Variants in HS6ST3 observed in about 807,000 individuals in gnomAD.
HS6ST3 encodes heparan sulfate 6-O-sulfotransferase 3, also known as heparan-sulfate 6-O-sulfotransferase 3.
A neutral mutation model predicts 36.7 loss-of-function variants in HS6ST3; 12 were observed. That is an observed-to-expected ratio of 0.33 (90% confidence interval 0.21 to 0.53). The LOEUF (loss-of-function observed/expected upper bound fraction) is 0.53. Among genes scored for constraint, HS6ST3 ranks in the 20% least tolerant of loss-of-function variants. HS6ST3 has a pLI of 0.95. For synonymous variants in HS6ST3, 240 were observed against 257.5 expected, an observed-to-expected ratio of 0.93 and a Z score of 0.65; for missense variants, 584 against 640.9, an observed-to-expected ratio of 0.91 and a Z score of 0.96.
chr13:96,193,565 G>C (rs1342139015), intron 1 of HS6ST3, among the ~76,000 whole-genome samples: 1 of 152,156 alleles, frequency 6.6e-6, no homozygotes, highest in East Asian at 1.9e-4. Context: ...CAGAGACTGT[G>C]TTGTGGATAT....
At chr13:96,193,986 A>G (rs1011794252) in intron 1 of HS6ST3, among the ~76,000 whole-genome samples, 17 of 152,142 alleles carry the variant, frequency 1.1e-4, no homozygotes, top group African/African-American at 4.1e-4. Flanking sequence ...CTTTTCAGTA[A>G]TAATAACAAC....
chr13:96,256,801 CT>C (rs1427522801), intron 1 of HS6ST3, among the ~76,000 whole-genome samples: 2 of 152,246 alleles, frequency 1.3e-5, no homozygotes, highest in Admixed American at 1.3e-4. Flanking sequence ...ACAACCAACC[CT>C]TGGTTGTCCA....
Position 96,757,065 on chromosome 13 carries a change from C to G in HS6ST3, c.708-75425C>G, listed in dbSNP as rs565703495. On this transcript the variant is annotated intron_variant, in intron 1 of 1. Transcript: ENST00000376705. The stretch of plus-strand genomic sequence containing the variant: ...CATACCTAGGGAAGGATCTGCTCCT[C>G]TGTTTTCAGGGTTGATGGTGGCATT... Among the ~76,000 whole-genome samples, 10 of 152,324 alleles carry G rather than the reference C, an allele frequency of 6.6e-5. No individual in the cohort carries two copies. The South Asian group carries it at 2.1e-3, about 32-fold the overall frequency.
intron 1 of HS6ST3, among the ~76,000 whole-genome samples, chr13:96,769,034 C>T (rs1405831735): frequency 2.6e-5 from 4 of 152,088 alleles, no homozygotes; most frequent in Non-Finnish European, 5.9e-5. Flanking sequence ...TTGGGGGACA[C>T]TGCCCCTTGC....
chr13:96,499,217 G>T (rs913864487), intron 1 of HS6ST3, among the ~76,000 whole-genome samples: 1 of 151,920 alleles, frequency 6.6e-6, no homozygotes, highest in African/African-American at 2.4e-5. Context: ...GCAGAGACAG[G>T]GTTTCACCAT....
chr13:96,423,873 C>T (rs1377369091), intron 1 of HS6ST3, among the ~76,000 whole-genome samples: 1 of 152,204 alleles, frequency 6.6e-6, no homozygotes, highest in African/African-American at 2.4e-5. Flanking sequence ...TTCTAGGTGA[C>T]TGCATAGCAC....
chr13:96,509,339 AG>A (rs2138918626), intron 1 of HS6ST3, among the ~76,000 whole-genome samples: 1 of 152,042 alleles, frequency 6.6e-6, no homozygotes, highest in South Asian at 2.1e-4. Context: ...GCTCTATGGA[AG>A]TTTCTTAGTT....
intron 1 of HS6ST3, among the ~76,000 whole-genome samples, chr13:96,143,626 A>G (rs2054042622): frequency 6.6e-6 from 1 of 151,980 alleles, no homozygotes; most frequent in Admixed American, 6.6e-5. Flanking sequence ...TAAAATGATT[A>G]CCATTTACCA....
intron 1 of HS6ST3, among the ~76,000 whole-genome samples, chr13:96,127,925 C>T (rs977470382): frequency 1.3e-5 from 2 of 152,078 alleles, no homozygotes; most frequent in Non-Finnish European, 2.9e-5. Context: ...AGCATATTCC[C>T]AAAGGTTTTG....
intron 1 of HS6ST3, among the ~76,000 whole-genome samples, chr13:96,668,452 T>G (rs2056671429): frequency 1.3e-5 from 2 of 152,278 alleles, no homozygotes; most frequent in South Asian, 4.2e-4. Context: ...AAATGCTTCC[T>G]GACATAATAA....
intron 1 of HS6ST3, among the ~76,000 whole-genome samples, chr13:96,371,453 G>A (rs1018547145): frequency 3.3e-5 from 5 of 152,212 alleles, no homozygotes; most frequent in Non-Finnish European, 5.9e-5. Context: ...ACATAGTTAC[G>A]TGTATGTGTG....
intron 1 of HS6ST3, among the ~76,000 whole-genome samples, chr13:96,334,300 A>C (rs2055088326): frequency 6.6e-6 from 1 of 152,108 alleles, no homozygotes; most frequent in Non-Finnish European, 1.5e-5. Flanking sequence ...GTTCTTACAC[A>C]ATGTGGTGTG....
At chr13:96,325,675 G>T (rs1279484409) in intron 1 of HS6ST3, among the ~76,000 whole-genome samples, 1 of 152,090 alleles carries the variant, frequency 6.6e-6, no homozygotes, top group African/African-American at 2.4e-5. Flanking sequence ...ATCCCTCATG[G>T]GTACTGAAGG....
chr13:96,719,936 A>G (rs993332266), intron 1 of HS6ST3, among the ~76,000 whole-genome samples: 2 of 152,124 alleles, frequency 1.3e-5, no homozygotes, highest in Non-Finnish European at 2.9e-5. Context: ...CCTTCACAGG[A>G]AGCTGCATTT....
intron 1 of HS6ST3, among the ~76,000 whole-genome samples, chr13:96,589,749 A>G (rs1006959139): frequency 6.6e-6 from 1 of 152,050 alleles, no homozygotes; most frequent in African/African-American, 2.4e-5. Context: ...GACTATAGTC[A>G]CCCTGTTGTG....
At chr13:96,310,983 A>G (rs1025639378) in intron 1 of HS6ST3, among the ~76,000 whole-genome samples, 1 of 152,212 alleles carries the variant, frequency 6.6e-6, no homozygotes, top group Non-Finnish European at 1.5e-5. Flanking sequence ...CTTGAAAATC[A>G]TGAAATTCAG....
At chr13:96,246,095 A>T (rs1193556420) in intron 1 of HS6ST3, among the ~76,000 whole-genome samples, 1 of 152,206 alleles carries the variant, frequency 6.6e-6, no homozygotes, top group African/African-American at 2.4e-5. Flanking sequence ...AATAATATGT[A>T]TGTAGATACA....
intron 1 of HS6ST3, among the ~76,000 whole-genome samples, chr13:96,295,475 T>G (rs1454774166): frequency 6.6e-6 from 1 of 152,142 alleles, no homozygotes; most frequent in Non-Finnish European, 1.5e-5. Flanking sequence ...TTTCTGTTTT[T>G]AAGGGCTGAG....
intron 1 of HS6ST3, among the ~76,000 whole-genome samples, chr13:96,510,442 CT>C (rs2056045028): frequency 6.6e-6 from 1 of 152,098 alleles, no homozygotes; most frequent in Non-Finnish European, 1.5e-5. Flanking sequence ...GCATTCTTGT[CT>C]TGTTGCCACC....
Sources: gnomAD v4.1 joint callset for allele counts (sites outside exome capture counted in the v4.1 genomes callset) on GRCh38, gnomAD v4.1.1 for gene constraint, MANE v1.5 for transcripts, NCBI Gene and HGNC (gene_info 2026-07-23, HGNC 2026-07-21) for gene names.